The following JAKMIP2 variants were observed in gnomAD, a reference collection of about 807,000 sequenced individuals.
JAKMIP2 encodes janus kinase and microtubule-interacting protein 2.
A neutral mutation model predicts 115.0 loss-of-function variants in JAKMIP2; 25 were observed. The ratio of observed to expected loss-of-function variants is 0.22; its 90% CI spans 0.16 to 0.30. The LOEUF is 0.30. JAKMIP2 is among the 10% of genes least tolerant of loss of function. The pLI is 1.00. For synonymous variants in JAKMIP2, 334 were observed against 343.6 expected, an observed-to-expected ratio of 0.97 and a Z score of 0.31; for missense variants, 642 against 957.6, an observed-to-expected ratio of 0.67 and a Z score of 4.35.
chr5:147,736,551 C>T (rs928011321), intron 1 of JAKMIP2, among the ~76,000 whole-genome samples: 2 of 152,034 alleles, frequency 1.3e-5, no homozygotes, highest in Non-Finnish European at 2.9e-5. Context: ...ACTTAAAGAA[C>T]ATTATCTATT....
At chr5:147,764,099 T>C (rs1337600957) in intron 1 of JAKMIP2, among the ~76,000 whole-genome samples, 4 of 152,156 alleles carry the variant, frequency 2.6e-5, no homozygotes, top group African/African-American at 9.6e-5. Context: ...AAGGTATTAA[T>C]ACCAACTTAA....
chr5:147,630,403 T>C (rs760408589), intron 14 of JAKMIP2, among the ~76,000 whole-genome samples: 5 of 152,200 alleles, frequency 3.3e-5, no homozygotes, highest in Non-Finnish European at 7.3e-5. Context: ...CAAAGTAAAT[T>C]CTTTTCATTT....
chr5:147,739,505 T>C (rs1754060700), intron 1 of JAKMIP2, among the ~76,000 whole-genome samples: 1 of 152,022 alleles, frequency 6.6e-6, no homozygotes, highest in South Asian at 2.1e-4. Flanking sequence ...AACAGTGACG[T>C]TGACTGGTGC....
At chr5:147,721,781 C>A (rs988294733) in intron 1 of JAKMIP2, among the ~76,000 whole-genome samples, 2 of 152,154 alleles carry the variant, frequency 1.3e-5, no homozygotes, top group African/African-American at 2.4e-5. Flanking sequence ...CCCGGTACCT[C>A]AGATGGAAAT....
chr5:147,721,714 A>C (rs1580834828), intron 1 of JAKMIP2, among the ~76,000 whole-genome samples: 1 of 152,084 alleles, frequency 6.6e-6, no homozygotes, highest in South Asian at 2.1e-4. Context: ...CGGCTCGCGC[A>C]CGGTGCGCGC....
intron 2 of JAKMIP2, among the ~76,000 whole-genome samples, chr5:147,664,049 A>G (rs558293413): frequency 2.6e-5 from 4 of 152,376 alleles, no homozygotes; most frequent in African/African-American, 7.2e-5. Flanking sequence ...TATTGAAACT[A>G]TAATGTTTTG....
intron 21 of JAKMIP2, among the ~76,000 whole-genome samples, chr5:147,598,518 CCTGA>C (rs2126572813): frequency 6.6e-6 from 1 of 152,054 alleles, no homozygotes; most frequent in South Asian, 2.1e-4. Flanking sequence ...CTCTGGAGAA[CCTGA>C]CTAATACATT....
In JAKMIP2 at chr5:147,636,954, C is replaced by A. The variant is rs763883166; in HGVS notation, c.1614+11G>T. Reference sequence around the variant, plus strand: ...CTGCATCTGCAGAAGAGCTAGCAACCAAATGCCTACCTGCCCTTTCTGAGC... The same window carrying A: ...CTGCATCTGCAGAAGAGCTAGCAACAAAATGCCTACCTGCCCTTTCTGAGC... On this transcript the variant is annotated intron_variant, in intron 11 of 21. Transcript: ENST00000616793. The A allele has an allele frequency of 1.1e-6, 1 of 872,888 alleles. No homozygotes were observed. The highest frequency in any genetic ancestry group is 2.0e-6 in the Non-Finnish European group (1 of 501,684). 54.1% of individuals were successfully genotyped at this position (872,888 alleles called of 1,614,324 possible).
intron 2 of JAKMIP2, 28 bp from the exon 3 acceptor site, chr5:147,661,473 G>A (rs1026738806): frequency 1.3e-6 from 2 of 1,590,990 alleles, no homozygotes; most frequent in African/African-American, 2.7e-5. Context: ...AAATGATGAA[G>A]AGAAATGAGC....
intron 1 of JAKMIP2, 25 bp downstream of exon 1, chr5:147,782,431 G>C: frequency 1.3e-6 from 2 of 1,535,494 alleles, no homozygotes; most frequent in South Asian, 2.4e-5. Context: ...AAACCAAGAA[G>C]GGAGCCCTAC....
intron 1 of JAKMIP2, among the ~76,000 whole-genome samples, chr5:147,775,086 A>C (rs1332614554): frequency 6.6e-6 from 1 of 152,208 alleles, no homozygotes; most frequent in Non-Finnish European, 1.5e-5. Flanking sequence ...AAAGGCAACA[A>C]AGGCTTTTTC....
intron 1 of JAKMIP2, among the ~76,000 whole-genome samples, chr5:147,684,296 A>AACACACAC (rs10565596): frequency 6.8e-6 from 1 of 147,370 alleles, no homozygotes; most frequent in African/African-American, 2.5e-5. Context: ...AGTGCCAGAG[A>AACACACAC]ACACACACAC....
intron 3 of JAKMIP2, among the ~76,000 whole-genome samples, chr5:147,653,894 GT>G (rs1424703187): frequency 6.6e-6 from 1 of 152,154 alleles, no homozygotes; most frequent in African/African-American, 2.4e-5. Context: ...TGTATAAGGT[GT>G]AAGGAAGGGA....
rs934409218 is a variant in JAKMIP2 at position 147,781,600 on chromosome 5, T to C, written c.-149+856A>G. On this transcript the variant is annotated intron_variant, in intron 1 of 21. Transcript: ENST00000616793. Reference sequence around the variant, plus strand: ...GGCTACAAATTTGCATCTAGTTCTATGACACAGATCAAACGATAGGCATCT... The same window carrying C: ...GGCTACAAATTTGCATCTAGTTCTACGACACAGATCAAACGATAGGCATCT... 3.3e-5 allele frequency among the ~76,000 whole-genome samples: 5 copies of C among 152,292 alleles called. No homozygotes were observed. In the South Asian group the frequency reaches 8.3e-4, roughly 25 times the overall value.
At chr5:147,685,022 G>A (rs1260329793) in intron 1 of JAKMIP2, among the ~76,000 whole-genome samples, 1 of 152,102 alleles carries the variant, frequency 6.6e-6, no homozygotes, top group Non-Finnish European at 1.5e-5. Context: ...CAATTTTTGT[G>A]CATCCTTCCA....
At chr5:147,672,514 T>C (rs927231186) in intron 1 of JAKMIP2, among the ~76,000 whole-genome samples, 1 of 152,244 alleles carries the variant, frequency 6.6e-6, no homozygotes, top group African/African-American at 2.4e-5. Flanking sequence ...GTGCTAGGTA[T>C]AGAATTTGGA....
At chr5:147,713,407 G>A (rs1752855226) in intron 1 of JAKMIP2, among the ~76,000 whole-genome samples, 2 of 152,034 alleles carry the variant, frequency 1.3e-5, no homozygotes, top group African/African-American at 4.8e-5. Flanking sequence ...TACTATACTT[G>A]GGGCTTTAAA....
chr5:147,609,909 G>T lies in JAKMIP2; in HGVS notation c.2412+2397C>A, dbSNP rs535748544. Among the ~76,000 whole-genome samples the T allele has an allele frequency of 2.6e-5, 4 of 151,920 alleles. No individual in the cohort carries two copies. In the South Asian group the frequency reaches 8.3e-4, roughly 32 times the overall value. ...TTTTCATTCTTTTTTCTCTAATCTT[G>T]TCTTCACACTTTATTTCATTAAGTT... On this transcript the variant is annotated intron_variant, in intron 20 of 21. Coordinates refer to ENST00000616793, the MANE Select transcript of JAKMIP2 (RefSeq NM_001270941.2).
At chr5:147,720,118 G>A (rs1348698667) in intron 1 of JAKMIP2, among the ~76,000 whole-genome samples, 1 of 152,080 alleles carries the variant, frequency 6.6e-6, no homozygotes, top group Non-Finnish European at 1.5e-5. Context: ...AGCTTAGTTT[G>A]GCTGGATATG....
Sources: gnomAD v4.1 joint callset for allele counts (sites outside exome capture counted in the v4.1 genomes callset) on GRCh38, gnomAD v4.1.1 for gene constraint, MANE v1.5 for transcripts, NCBI Gene and HGNC (gene_info 2026-07-23, HGNC 2026-07-21) for gene names.